Variants in GTF2IRD1 observed in about 807,000 individuals in gnomAD.
GTF2IRD1 encodes general transcription factor II-I repeat domain-containing protein 1.
Under a neutral mutation model 113.2 loss-of-function variants are expected in GTF2IRD1, and 26 were observed. The observed-to-expected ratio is 0.23, with a 90% confidence interval of 0.17 to 0.32. The LOEUF is 0.32. GTF2IRD1 is among the 10% of genes least tolerant of loss of function. The probability of loss-of-function intolerance (pLI) is 1.00; values close to 1 mark genes in which losing one functional copy is unlikely to be tolerated. For missense variants in GTF2IRD1, 864 were observed against 1,280.8 expected (o/e 0.67, Z 4.97); for synonymous variants, 484 against 529.1 (o/e 0.91, Z 1.17).
chr7:74,577,728 T>A (rs1801162262), intron 22 of GTF2IRD1, among the ~76,000 whole-genome samples: 1 of 152,122 alleles, frequency 6.6e-6, no homozygotes, highest in Non-Finnish European at 1.5e-5. Flanking sequence ...CATAGCTTAC[T>A]GCAGCCTGGA....
At chr7:74,509,634 C>A (rs565959272) in intron 2 of GTF2IRD1, among the ~76,000 whole-genome samples, 4 of 152,150 alleles carry the variant, frequency 2.6e-5, no homozygotes, top group Non-Finnish European at 5.9e-5. Context: ...AGGGTAGTAC[C>A]TTGCCCAAAG....
chr7:74,494,324 CG>C (rs1562800231), intron 1 of GTF2IRD1, among the ~76,000 whole-genome samples: 1 of 152,166 alleles, frequency 6.6e-6, no homozygotes, highest in African/African-American at 2.4e-5. Context: ...CTTGCTGGCC[CG>C]GGGCCTGAGC....
chr7:74,590,817 C>A lies in GTF2IRD1; in HGVS notation c.2399-8C>A. ...TCTTTCCTCACTGTGACTTCCTGTG[C>A]CCTCTAGGTGAGGCCCTGGGCCTGA... On this transcript the variant is annotated splice_polypyrimidine_tract_variant and splice_region_variant and intron_variant, in intron 23 of 26. Coordinates refer to ENST00000424337, the MANE Select transcript of GTF2IRD1 (RefSeq NM_005685.4). The A allele has an allele frequency of 1.3e-6, 2 of 1,569,428 alleles. No homozygotes were observed. Among genetic ancestry groups the A allele is most frequent in the Admixed American group, 1.8e-5 (1 of 55,356 alleles).
chr7:74,601,559 G>C, intron 26 of GTF2IRD1: 1 of 1,129,502 alleles, frequency 8.9e-7, no homozygotes, highest in Non-Finnish European at 1.2e-6. Context: ...GATCACCTGA[G>C]GTCAGGAGTT....
intron 22 of GTF2IRD1, among the ~76,000 whole-genome samples, chr7:74,583,470 G>A (rs1801544224): frequency 6.6e-6 from 1 of 150,432 alleles, no homozygotes; most frequent in Admixed American, 6.7e-5. Flanking sequence ...GGGATTACAG[G>A]CGTGAGCCAC....
chr7:74,538,296 C>T, intron 12 of GTF2IRD1, 123 bp downstream of exon 12: 1 of 909,914 alleles, frequency 1.1e-6, no homozygotes, highest in Non-Finnish European at 1.8e-6. Flanking sequence ...CGAGCCTCCT[C>T]TGCCCACCTG....
At position 74,519,377 on chromosome 7, in the gene GTF2IRD1, A is replaced by G. The variant is rs1346442951; in HGVS notation, c.606-32A>G. 5 of 1,454,882 alleles carry G rather than the reference A, an allele frequency of 3.4e-6. No individual in the cohort carries two copies. In the Admixed American group the frequency reaches 9.6e-5, roughly 28 times the overall value. 90.1% of individuals were successfully genotyped at this position (1,454,882 alleles called of 1,614,324 possible). A position where few individuals can be genotyped will look rare whatever the true frequency, so the allele number is the denominator to read the frequency against. On this transcript the variant is annotated intron_variant, in intron 5 of 26. Coordinates refer to ENST00000424337, the MANE Select transcript of GTF2IRD1 (RefSeq NM_005685.4). ...GCTGCAATGTGTGAAACAGATGTAC[A>G]AAGCTGTCCATGTGTCCTCTCCTTT... is the stretch of plus-strand genomic sequence containing the variant.
chr7:74,459,318 C>G (rs1414087015), intron 1 of GTF2IRD1, among the ~76,000 whole-genome samples: 1 of 152,144 alleles, frequency 6.6e-6, no homozygotes, highest in African/African-American at 2.4e-5. Flanking sequence ...ATTAGCCAGG[C>G]GTAGTGGCGG....
At chr7:74,593,196 C>T (rs1273210621) in intron 24 of GTF2IRD1, among the ~76,000 whole-genome samples, 2 of 147,986 alleles carry the variant, frequency 1.4e-5, no homozygotes, top group Non-Finnish European at 3.0e-5. Flanking sequence ...TTGCGTGTGT[C>T]AAAAAAAAAC....
intron 1 of GTF2IRD1, among the ~76,000 whole-genome samples, chr7:74,467,425 A>G (rs925071526): frequency 6.6e-6 from 1 of 152,214 alleles, no homozygotes; most frequent in Admixed American, 6.5e-5. Context: ...CCTCCAGGAA[A>G]GGCAGCTGAT....
chr7:74,521,143 G>A (rs587666262), intron 6 of GTF2IRD1, 65 bp from the exon 7 acceptor site: 1 of 897,784 alleles, frequency 1.1e-6, no homozygotes, highest in South Asian at 1.3e-5. Flanking sequence ...CTGTGCACTG[G>A]GGCCAGATCT....
intron 17 of GTF2IRD1, among the ~76,000 whole-genome samples, chr7:74,551,320 G>A (rs587696337): frequency 6.6e-6 from 1 of 152,244 alleles, no homozygotes; most frequent in South Asian, 2.1e-4. Flanking sequence ...TCCAGCCTGG[G>A]CGACAGAGCG....
At chr7:74,589,979 G>T in intron 23 of GTF2IRD1, 51 bp downstream of exon 23, 1 of 1,228,114 alleles carries the variant, frequency 8.1e-7, no homozygotes, top group Non-Finnish European at 1.2e-6. Flanking sequence ...CCCGGGGGTG[G>T]TGGGGGGCCT....
intron 24 of GTF2IRD1, among the ~76,000 whole-genome samples, chr7:74,593,655 C>T (rs1276769793): frequency 1.3e-5 from 2 of 150,530 alleles, no homozygotes; most frequent in Non-Finnish European, 3.0e-5. Context: ...ATGGCATGAA[C>T]CTGGGAGGCG....
chr7:74,539,826 A>G (rs1483558917), intron 13 of GTF2IRD1, 53 bp from the exon 14 acceptor site: 2 of 1,274,828 alleles, frequency 1.6e-6, no homozygotes, highest in African/African-American at 2.9e-5. Context: ...AGGGACTGTG[A>G]CAGGAGTATG....
intron 1 of GTF2IRD1, among the ~76,000 whole-genome samples, chr7:74,498,538 C>T (rs1795850653): frequency 6.6e-6 from 1 of 152,104 alleles, no homozygotes. Context: ...ACCCAGAGAA[C>T]TCCTATTCAC....
intron 1 of GTF2IRD1, among the ~76,000 whole-genome samples, chr7:74,499,296 G>A (rs531584840): frequency 2.0e-5 from 3 of 152,310 alleles, no homozygotes; most frequent in Non-Finnish European, 2.9e-5. Context: ...ATGGCCCGGC[G>A]GAGGTGTCCT....
intron 1 of GTF2IRD1, among the ~76,000 whole-genome samples, chr7:74,459,531 G>A (rs1659631789): frequency 6.6e-6 from 1 of 151,958 alleles, no homozygotes; most frequent in African/African-American, 2.4e-5. Flanking sequence ...TATCTTACAC[G>A]GTCTTAGGGA....
At chr7:74,466,388 T>C (rs1447821863) in intron 1 of GTF2IRD1, among the ~76,000 whole-genome samples, 1 of 151,986 alleles carries the variant, frequency 6.6e-6, no homozygotes, top group Admixed American at 6.6e-5. Flanking sequence ...CAGGTAAAGA[T>C]CTGTATCTGA....
Sources: allele counts gnomAD v4.1 joint callset (sites outside exome capture counted in the v4.1 genomes callset), GRCh38; gene constraint gnomAD v4.1.1; transcripts MANE v1.5; gene names NCBI Gene and HGNC (gene_info 2026-07-23, HGNC 2026-07-21).